Variants in TNR observed in about 807,000 individuals in gnomAD.
TNR encodes tenascin R, also known as tenascin-R.
In TNR, 45 loss-of-function variants were observed where a neutral mutation model predicts 150.4. That is an observed-to-expected ratio of 0.30 (90% CI 0.24 to 0.38). The LOEUF (loss-of-function observed/expected upper bound fraction) is 0.38, where lower values mean the gene tolerates loss of function less well. TNR is among the 10% of genes least tolerant of loss of function. TNR has a pLI of 1.00. For synonymous variants in TNR, 687 were observed against 678.4 expected, an observed-to-expected ratio of 1.01 and a Z score of -0.20; for missense variants, 1,544 against 1,759.1, an observed-to-expected ratio of 0.88 and a Z score of 2.19.
intron 2 of TNR, among the ~76,000 whole-genome samples, chr1:175,522,076 C>T (rs1350994590): frequency 6.6e-6 from 1 of 152,160 alleles, no homozygotes; most frequent in East Asian, 1.9e-4. Context: ...CTTAATTTTC[C>T]TTTAGCTGCC....
chr1:175,334,644 A>G (rs746978308), intron 20 of TNR, among the ~76,000 whole-genome samples: 2 of 152,210 alleles, frequency 1.3e-5, no homozygotes, highest in Non-Finnish European at 2.9e-5. Flanking sequence ...ACCCAGATGC[A>G]GACTCAGGGC....
chr1:175,406,391 G>A lies in TNR; in HGVS notation c.324C>T (p.His108=), dbSNP rs755783098. The stretch of plus-strand genomic sequence containing the variant: ...TGTGTGTAAAGGTGACCTGGCTCTC[G>A]TGGTCTGAGGTCTGGCCCATGTACT... ...LAEYMGQTSD[H]ESQVTFTHRI... is the part of the protein sequence containing the mutation. Residue 108 remains histidine, a synonymous_variant, in exon 3 of 23, where the codon CAC becomes CAT. Coordinates refer to ENST00000367674, the MANE Select transcript of TNR (RefSeq NM_003285.3). 9.3e-6 allele frequency: 15 copies of A among 1,614,128 alleles called. 1 individual carries two copies. In the South Asian group the frequency reaches 1.2e-4, roughly 13 times the overall value.
At chr1:175,330,520 G>C in intron 20 of TNR, 1 of 278,926 alleles carries the variant, frequency 3.6e-6, no homozygotes, top group Non-Finnish European at 6.7e-6. Context: ...TGAGCCTCAG[G>C]ATTCCTGGCC....
chr1:175,362,847 C>G (rs1651666373), intron 13 of TNR, 38 bp from the exon 14 acceptor site: 1 of 1,611,876 alleles, frequency 6.2e-7, no homozygotes, highest in African/African-American at 1.3e-5. Context: ...AATTCAGCAG[C>G]CCTTTCATCC....
chr1:175,500,947 G>A (rs917773382), intron 2 of TNR, among the ~76,000 whole-genome samples: 1 of 152,198 alleles, frequency 6.6e-6, no homozygotes, highest in Non-Finnish European at 1.5e-5. Flanking sequence ...GTGCTCCAGT[G>A]GGTTAGAGAG....
rs1666415391 is a variant in TNR at position 175,692,952 on chromosome 1, A to G, written c.-165+50274T>C. Among the ~76,000 whole-genome samples, 3 of 152,212 alleles carry G rather than the reference A, an allele frequency of 2.0e-5. No homozygotes were observed. In the South Asian group the frequency reaches 6.2e-4, roughly 32 times the overall value. ...ATGTTCACCCATTCATTCATCCAAC[A>G]AATATTCATTGAACATCTACTCTGT... On this transcript the variant is annotated intron_variant, in intron 1 of 22. Transcript: ENST00000367674.
chr1:175,440,558 A>T (rs1031949349), intron 2 of TNR, among the ~76,000 whole-genome samples: 4 of 151,966 alleles, frequency 2.6e-5, no homozygotes, highest in Non-Finnish European at 4.4e-5. Context: ...TAAAGGAAAA[A>T]AAAGTGAAAA....
At chr1:175,428,659 T>C (rs1655121321) in intron 2 of TNR, among the ~76,000 whole-genome samples, 1 of 152,244 alleles carries the variant, frequency 6.6e-6, no homozygotes, top group Non-Finnish European at 1.5e-5. Flanking sequence ...TAATATTATA[T>C]GTTGGCCATA....
chr1:175,591,105 T>G (rs1662779105), intron 1 of TNR, among the ~76,000 whole-genome samples: 1 of 152,174 alleles, frequency 6.6e-6, no homozygotes, highest in Non-Finnish European at 1.5e-5. Context: ...AAGCAAGGTC[T>G]CAAGATGCCA....
chr1:175,412,313 G>A (rs1325920273), intron 2 of TNR, among the ~76,000 whole-genome samples: 1 of 152,038 alleles, frequency 6.6e-6, no homozygotes, highest in African/African-American at 2.4e-5. Context: ...TTCTCCCCCT[G>A]GGTTCAGATT....
In TNR at chr1:175,365,064, C is replaced by G. The variant is rs1395558402; in HGVS notation, c.2533G>C (p.Val845Leu). 2 of 1,614,076 alleles carry G rather than the reference C, an allele frequency of 1.2e-6. No individual in the cohort carries two copies. The highest frequency in any genetic ancestry group is 1.7e-6 in the Non-Finnish European group (2 of 1,179,968). Residue 845 changes from valine (V) to leucine (L), a missense_variant, in exon 12 of 23, where the codon GTG becomes CTG. Around this residue, in one of 2 missense-constraint regions of TNR, gnomAD observed 1,254 missense variants for 1,329.4 expected, o/e 0.94. Transcript: ENST00000367674. ...GAGGTCACTGTGCCATGGACAGCCA[C>G]AAGGTTCACAATATACTCTGTGGCT... Reference protein sequence around the residue: ...QPATEYIVNLVAVHGTVTSEP... With the variant: ...QPATEYIVNLLAVHGTVTSEP...
intron 2 of TNR, among the ~76,000 whole-genome samples, chr1:175,446,334 G>A (rs7540906): frequency 0.015 from 2,247 of 152,230 alleles, 69 homozygotes; most frequent in African/African-American, 0.051. Context: ...GCGGGGCTCT[G>A]TCACATCTTC....
chr1:175,521,679 G>A (rs78394297), intron 2 of TNR, among the ~76,000 whole-genome samples: 2,957 of 151,682 alleles, frequency 0.019, 40 homozygotes, highest in Non-Finnish European at 0.029. Context: ...TTTTTTCATA[G>A]TCTGAGGTGT....
At chr1:175,669,113 T>A (rs949908078) in intron 1 of TNR, among the ~76,000 whole-genome samples, 1 of 152,152 alleles carries the variant, frequency 6.6e-6, no homozygotes, top group Admixed American at 6.5e-5. Context: ...AGTTTCCCCA[T>A]ATTCTCCCAG....
intron 1 of TNR, among the ~76,000 whole-genome samples, chr1:175,676,351 G>T (rs1016444948): frequency 6.6e-6 from 1 of 152,080 alleles, no homozygotes; most frequent in African/African-American, 2.4e-5. Flanking sequence ...TTTCCCCAGC[G>T]TGCACCTCAC....
chr1:175,329,988 G>A, intron 21 of TNR, 86 bp downstream of exon 21: 1 of 1,355,116 alleles, frequency 7.4e-7, no homozygotes, highest in Non-Finnish European at 9.8e-7. Context: ...GGGTGCTGCT[G>A]CTTCCTGAGG....
chr1:175,596,923 T>A lies in TNR; in HGVS notation c.-164-68554A>T, dbSNP rs77682222. Reference sequence around the variant, plus strand: ...TAAAATTTTCCCAAAACATTTCACCTCTGAGCTGATTATAAAGGTGGAGAG... The same window carrying A: ...TAAAATTTTCCCAAAACATTTCACCACTGAGCTGATTATAAAGGTGGAGAG... On this transcript the variant is annotated intron_variant, in intron 1 of 22. Coordinates refer to ENST00000367674, the MANE Select transcript of TNR (RefSeq NM_003285.3). 9.4e-3 allele frequency among the ~76,000 whole-genome samples: 1,435 copies of A among 152,308 alleles called. 8 individuals carry two copies. The highest frequency in any genetic ancestry group is 0.012 in the Non-Finnish European group (845 of 68,024).
At chr1:175,547,192 C>T (rs903745317) in intron 1 of TNR, among the ~76,000 whole-genome samples, 2 of 152,186 alleles carry the variant, frequency 1.3e-5, no homozygotes, top group Admixed American at 6.5e-5. Context: ...CAGGAGCACC[C>T]GAGACAGCTC....
At chr1:175,514,424 G>A (rs187706455) in intron 2 of TNR, among the ~76,000 whole-genome samples, 14 of 152,326 alleles carry the variant, frequency 9.2e-5, no homozygotes, top group Admixed American at 9.2e-4. Flanking sequence ...ACCTGTGTCT[G>A]ACCTACAGAG....
Sources: allele counts gnomAD v4.1 joint callset (sites outside exome capture counted in the v4.1 genomes callset), GRCh38; gene constraint gnomAD v4.1.1; regional missense constraint gnomAD v4.1.1; transcripts MANE v1.5; gene names NCBI Gene and HGNC (gene_info 2026-07-23, HGNC 2026-07-21).